EYS: variants seen among roughly 807,000 people sequenced by gnomAD.
The protein encoded by EYS is protein eyes shut homolog.
Under a neutral mutation model 282.1 loss-of-function variants are expected in EYS, and 250 were observed. That is an observed-to-expected ratio of 0.89 (90% CI 0.80 to 0.98). The LOEUF is 0.98. Among genes scored for constraint, EYS ranks in the 50% least tolerant of loss-of-function variants. The pLI is 0.00. For missense variants in EYS, 4,016 were observed against 3,709.0 expected (o/e 1.08, Z -2.15); for synonymous variants, 1,355 against 1,282.9 (o/e 1.06, Z -1.20).
At chr6:64,164,692 T>G (rs1442589572) in intron 31 of EYS, among the ~76,000 whole-genome samples, 1 of 152,102 alleles carries the variant, frequency 6.6e-6, no homozygotes, top group Non-Finnish European at 1.5e-5. Context: ...TATGGCCTAG[T>G]CAGTCCAAGA....
chr6:65,629,674 T>G (rs1365553182), intron 2 of EYS, among the ~76,000 whole-genome samples: 1 of 151,954 alleles, frequency 6.6e-6, no homozygotes, highest in African/African-American at 2.4e-5. Flanking sequence ...ACCCTCAAAC[T>G]CCTCGAGAAG....
intron 11 of EYS, among the ~76,000 whole-genome samples, chr6:65,321,715 C>T (rs1183703989): frequency 6.6e-6 from 1 of 152,168 alleles, no homozygotes; most frequent in Non-Finnish European, 1.5e-5. Context: ...AATGTGGGGG[C>T]TGCATGTGCC....
intron 22 of EYS, among the ~76,000 whole-genome samples, chr6:64,787,432 G>T (rs1774058146): frequency 6.6e-6 from 1 of 151,660 alleles, no homozygotes; most frequent in African/African-American, 2.4e-5. Flanking sequence ...CTTATCCTTT[G>T]CATATTATTT....
chr6:64,644,393 G>T (rs1039853109), intron 22 of EYS, among the ~76,000 whole-genome samples: 2 of 152,118 alleles, frequency 1.3e-5, no homozygotes, highest in African/African-American at 4.8e-5. Context: ...TTGGGATGGA[G>T]TGAAGAGGGT....
intron 5 of EYS, among the ~76,000 whole-genome samples, chr6:65,407,968 T>C (rs922158489): frequency 1.3e-5 from 2 of 152,114 alleles, no homozygotes; most frequent in African/African-American, 4.8e-5. Flanking sequence ...TGTGTTTCTA[T>C]TTCTAATTTG....
chr6:65,024,812 G>A (rs889510361), intron 13 of EYS, among the ~76,000 whole-genome samples: 3 of 152,118 alleles, frequency 2.0e-5, no homozygotes, highest in African/African-American at 7.2e-5. Flanking sequence ...GCTTCAAAAT[G>A]ATTTTTTTAA....
intron 19 of EYS, among the ~76,000 whole-genome samples, chr6:64,878,975 A>AT (rs1766834828): frequency 6.6e-6 from 1 of 152,176 alleles, no homozygotes; most frequent in African/African-American, 2.4e-5. Flanking sequence ...CTGAAGTTCC[A>AT]TTAACACGCA....
intron 24 of EYS, among the ~76,000 whole-genome samples, chr6:64,609,955 AT>A (rs1767056441): frequency 1.3e-5 from 2 of 151,486 alleles, no homozygotes; most frequent in Non-Finnish European, 2.9e-5. Flanking sequence ...TATCTTAAAA[AT>A]AAATGGATAT....
At chr6:64,593,983 AAAT>A (rs1766491889) in intron 24 of EYS, among the ~76,000 whole-genome samples, 1 of 152,214 alleles carries the variant, frequency 6.6e-6, no homozygotes, top group Admixed American at 6.5e-5. Context: ...ATTTGTAAGA[AAAT>A]AATATTTCAA....
intron 2 of EYS, among the ~76,000 whole-genome samples, chr6:65,526,153 A>G (rs1206684133): frequency 6.6e-6 from 1 of 152,160 alleles, no homozygotes; most frequent in Non-Finnish European, 1.5e-5. Flanking sequence ...CTCTTCTTAT[A>G]AAACCACCTG....
At chr6:65,658,533 T>A (rs1022201558) in intron 1 of EYS, among the ~76,000 whole-genome samples, 3 of 151,638 alleles carry the variant, frequency 2.0e-5, no homozygotes, top group African/African-American at 7.2e-5. Context: ...ATTAATAAAC[T>A]CCCTGAAAAC....
chr6:63,859,889 C>T (rs444713), intron 36 of EYS, among the ~76,000 whole-genome samples: 151,309 of 152,270 alleles, frequency 0.99, 75,184 homozygotes, highest in Middle Eastern at 1. Flanking sequence ...CCCCAAAGAA[C>T]ATATTAAGAT....
chr6:64,809,993 A>T (rs1764545393), intron 22 of EYS, among the ~76,000 whole-genome samples: 1 of 152,000 alleles, frequency 6.6e-6, no homozygotes, highest in Admixed American at 6.6e-5. Context: ...TGAAATTTTT[A>T]AAAAAGGAAG....
At chr6:65,322,728 G>A (rs1182421494) in intron 11 of EYS, among the ~76,000 whole-genome samples, 1 of 150,196 alleles carries the variant, frequency 6.7e-6, no homozygotes, top group African/African-American at 2.5e-5. Flanking sequence ...CCAGGAGGCA[G>A]AGGTTGCAAG....
intron 13 of EYS, among the ~76,000 whole-genome samples, chr6:65,037,309 A>G (rs1307583114): frequency 6.6e-6 from 1 of 151,764 alleles, no homozygotes; most frequent in African/African-American, 2.4e-5. Context: ...GACCTACTTG[A>G]AGGTCAAGGG....
intron 36 of EYS, among the ~76,000 whole-genome samples, chr6:63,858,665 C>G (rs1306653999): frequency 2.6e-5 from 4 of 152,060 alleles, no homozygotes; most frequent in African/African-American, 9.7e-5. Context: ...TTAGGCTTGA[C>G]CTTTTAGTAT....
At chr6:65,459,079 G>A (rs1764727533) in intron 5 of EYS, among the ~76,000 whole-genome samples, 1 of 152,000 alleles carries the variant, frequency 6.6e-6, no homozygotes, top group African/African-American at 2.4e-5. Context: ...GAAAATCAGA[G>A]AAAAACACTT....
At chr6:64,603,800 T>C (rs1766836149) in intron 24 of EYS, among the ~76,000 whole-genome samples, 1 of 151,902 alleles carries the variant, frequency 6.6e-6, no homozygotes, top group Non-Finnish European at 1.5e-5. Flanking sequence ...TAGATAGTAC[T>C]ACAGATCACA....
intron 12 of EYS, among the ~76,000 whole-genome samples, chr6:65,085,774 C>A (rs367926045): frequency 7.9e-5 from 12 of 152,162 alleles, no homozygotes; most frequent in African/African-American, 2.9e-4. Context: ...ATTCCCTTTA[C>A]GTAGCTTTTT....
Sources: gnomAD v4.1 joint callset for allele counts (sites outside exome capture counted in the v4.1 genomes callset) on GRCh38, gnomAD v4.1.1 for gene constraint, MANE v1.5 for transcripts, NCBI Gene and HGNC (gene_info 2026-07-23, HGNC 2026-07-21) for gene names.